The following CKAP2L variants were observed in gnomAD, a reference collection of about 807,000 sequenced individuals.
CKAP2L encodes cytoskeleton-associated protein 2-like.
CKAP2L carries 42 observed loss-of-function variants against 65.7 expected under a neutral mutation model. The ratio of observed to expected loss-of-function variants is 0.64; its 90% CI spans 0.50 to 0.83. The LOEUF is 0.83. Among genes scored for constraint, CKAP2L ranks in the 40% least tolerant of loss-of-function variants. The pLI is 0.00. For synonymous variants in CKAP2L, 325 were observed against 313.5 expected, an observed-to-expected ratio of 1.04 and a Z score of -0.39; for missense variants, 908 against 871.0, an observed-to-expected ratio of 1.04 and a Z score of -0.53.
chr2:112,758,674 T>C lies in CKAP2L; in HGVS notation c.157-1460A>G, dbSNP rs927547279. Among the ~76,000 whole-genome samples, 8 of 152,320 alleles carry C rather than the reference T, an allele frequency of 5.3e-5. 1 individual carries two copies. Among genetic ancestry groups the C allele is most frequent in the Middle Eastern group, 3.4e-3 (1 of 294 alleles). On this transcript the variant is annotated intron_variant, in intron 3 of 8. Coordinates refer to ENST00000302450, the MANE Select transcript of CKAP2L (RefSeq NM_152515.5). ...TGCTTACTGAAGAGGTGGAGGGACG[T>C]TGGCATGAAAGCTTCCAAATGTGTT...
At chr2:112,761,516 A>C (rs1303043800) in intron 2 of CKAP2L, among the ~76,000 whole-genome samples, 3 of 151,492 alleles carry the variant, frequency 2.0e-5, no homozygotes, top group African/African-American at 7.3e-5. Context: ...TTCAAATACT[A>C]TCTCTTCTAA....
At position 112,737,791 on chromosome 2, in the gene CKAP2L, T is replaced by C. The variant is rs1574303403; in HGVS notation, c.*1032A>G. On this transcript the variant is annotated 3_prime_UTR_variant, in exon 9 of 9. Transcript: ENST00000302450. ...CTTGTTTCTTAGGACAGCCAACTGG[T>C]ATATCCTTAGACAAACTCCTAATTC... is the stretch of plus-strand genomic sequence containing the variant. 6.6e-6 allele frequency: 1 copy of C among 152,220 alleles called. No individual in the cohort carries two copies. The highest frequency in any genetic ancestry group is 2.4e-5 in the African/African-American group (1 of 41,456). 9.4% of individuals were successfully genotyped at this position (152,220 alleles called of 1,614,324 possible).
chr2:112,741,940 GTTTTTTTTTTTTTTTTT>G lies in CKAP2L; in HGVS notation c.1822+749_1822+765del, dbSNP rs57634251. Among the ~76,000 whole-genome samples the G allele has an allele frequency of 2.1e-3, 152 of 71,912 alleles. 1 individual carries two copies. Among genetic ancestry groups the G allele is most frequent in the African/African-American group, 8.0e-3 (143 of 17,980 alleles). The allele number at this position is 71,912 out of a possible 152,430, so 47.2% of individuals were successfully genotyped here. On this transcript the variant is annotated intron_variant, in intron 7 of 8. Coordinates refer to ENST00000302450, the MANE Select transcript of CKAP2L (RefSeq NM_152515.5). ...CACAACTGGCTAATTTTTCTTTTCT[GTTTTTTTTTTTTTTTTT>G]TTTTTTTTTTAAAGACAAGACAGGG... is the stretch of plus-strand genomic sequence containing the variant.
rs1404848652 is a variant in CKAP2L at position 112,752,299 on chromosome 2, T to C, written c.1570A>G (p.Thr524Ala). ...QLELSSKINN[T>A]LTECLNLIEG... ...ATGAGGTTCAGACATTCTGTCAGAG[T>C]GTTGTTAATTTTACTGGACAGTTCG... The change falls in exon 5 of 9, where the codon ACT becomes GCT. Residue 524 changes from threonine to alanine, a missense_variant. Physicochemically the swap from Thr to Ala is moderately conservative, Grantham distance 58 (BLOSUM62 0). Transcript: ENST00000302450. 2.5e-6 allele frequency: 4 copies of C among 1,613,824 alleles called. No homozygotes were observed. In the South Asian group the frequency reaches 3.3e-5, roughly 13 times the overall value.
At chr2:112,739,804 G>A (rs1679750692) in intron 8 of CKAP2L, among the ~76,000 whole-genome samples, 1 of 152,152 alleles carries the variant, frequency 6.6e-6, no homozygotes. Flanking sequence ...ACAAACGTAT[G>A]CCAGCATGCC....
Position 112,757,005 on chromosome 2 carries a change from T to C in CKAP2L, c.366A>G (p.Gln122=), listed in dbSNP as rs1680561853. The C allele has an allele frequency of 6.2e-7, 1 of 1,614,228 alleles. No homozygotes were observed. Among genetic ancestry groups the C allele is most frequent in the Non-Finnish European group, 8.5e-7 (1 of 1,180,026 alleles). Residue 122 remains glutamine (Q), a synonymous_variant, in exon 4 of 9, where the codon CAA becomes CAG. Transcript: ENST00000302450. The part of the protein sequence containing the change: ...PYSKPSSKSF[Q]QCEAGSSTTG... ...TTGTGGACGATCCAGCTTCACACTG[T>C]TGAAAACTCTTGCTAGAAGGCTTAG...
chr2:112,751,842 T>C (rs921109965), intron 5 of CKAP2L, among the ~76,000 whole-genome samples: 1 of 152,214 alleles, frequency 6.6e-6, no homozygotes, highest in African/African-American at 2.4e-5. Flanking sequence ...AAATACTATT[T>C]GTAGCTACCC....
intron 6 of CKAP2L, among the ~76,000 whole-genome samples, chr2:112,743,506 C>A (rs759446157): frequency 6.6e-6 from 1 of 152,084 alleles, no homozygotes. Flanking sequence ...GGTGCGGTAT[C>A]GGCTCACCAC....
chr2:112,762,699 G>A, intron 1 of CKAP2L, 130 bp from the exon 2 acceptor site: 1 of 688,782 alleles, frequency 1.5e-6, no homozygotes, highest in Non-Finnish European at 2.6e-6. Flanking sequence ...AAAATCCCTA[G>A]TCCTATAAAT....
intron 6 of CKAP2L, among the ~76,000 whole-genome samples, chr2:112,745,394 T>C (rs1037559648): frequency 1.3e-5 from 2 of 152,054 alleles, no homozygotes; most frequent in African/African-American, 2.4e-5. Context: ...ATTTTTTTTT[T>C]TTTTTGAGAC....
chr2:112,738,901 C>T lies in CKAP2L; in HGVS notation c.2160G>A (p.Val720=), dbSNP rs1166127877. The part of the protein sequence containing the change: ...VVASLDELLE[V]EETKCFIFRR... ...GGAATATAAAACATTTTGTTTCTTC[C>T]ACTTCTAACAGTTCATCAAGAGAAG... The change falls in exon 9 of 9, where the codon GTG becomes GTA. Residue 720 remains valine (V), a synonymous_variant. Transcript: ENST00000302450. 2 of 1,613,940 alleles carry T rather than the reference C, an allele frequency of 1.2e-6. No individual in the cohort carries two copies. The highest frequency in any genetic ancestry group is 1.3e-5 in the African/African-American group (1 of 74,894).
chr2:112,747,727 G>GT (rs1289062099), intron 5 of CKAP2L, among the ~76,000 whole-genome samples: 2 of 152,274 alleles, frequency 1.3e-5, no homozygotes, highest in African/African-American at 4.8e-5. Context: ...AGACGCAAAG[G>GT]TAAGTTCACA....
intron 4 of CKAP2L, 25 bp downstream of exon 4, chr2:112,755,952 A>G (rs752361337): frequency 2.0e-6 from 3 of 1,524,654 alleles, no homozygotes; most frequent in Non-Finnish European, 8.8e-7. Context: ...TTAAGTTGCA[A>G]AAGCTTAGAA....
chr2:112,741,967 T>TA (rs1680004732), intron 7 of CKAP2L, among the ~76,000 whole-genome samples: 6 of 92,640 alleles, frequency 6.5e-5, no homozygotes, highest in African/African-American at 2.7e-4. Context: ...TTTTTTTTTT[T>TA]AAAGACAAGA....
chr2:112,748,998 AAC>A (rs1258655754), intron 5 of CKAP2L, among the ~76,000 whole-genome samples: 1 of 152,250 alleles, frequency 6.6e-6, no homozygotes, highest in Non-Finnish European at 1.5e-5. Flanking sequence ...AACTAGATTA[AAC>A]ACAGAAATGA....
intron 8 of CKAP2L, among the ~76,000 whole-genome samples, chr2:112,739,386 A>C (rs1679694173): frequency 1.3e-5 from 2 of 152,098 alleles, no homozygotes. Flanking sequence ...ATGCCATTGT[A>C]CTCCAGTCTG....
chr2:112,757,294 A>G, intron 3 of CKAP2L, 80 bp from the exon 4 acceptor site: 1 of 953,136 alleles, frequency 1.0e-6, no homozygotes, highest in East Asian at 2.8e-5. Context: ...TGTTTAACAC[A>G]TGCTAAAAAA....
At position 112,756,779 on chromosome 2, in the gene CKAP2L, T is replaced by C. The variant is rs1680554517; in HGVS notation, c.592A>G (p.Lys198Glu). The change falls in exon 4 of 9, where the codon AAG becomes GAG. Residue 198 changes from lysine (K) to glutamate (E), a missense_variant. Lys to Glu is a moderately conservative substitution (Grantham distance 56, BLOSUM62 1). Coordinates refer to ENST00000302450, the MANE Select transcript of CKAP2L (RefSeq NM_152515.5). ...CTGGTATATAATTTAGGATCTGGCTTCCTCTCAGGTTCTGTTAAGATATCG... is the reference window on the plus strand; with the variant it reads ...CTGGTATATAATTTAGGATCTGGCTCCCTCTCAGGTTCTGTTAAGATATCG... ...LLDILTEPERKPDPKLYTRSK... is the reference protein window; with the variant it reads ...LLDILTEPEREPDPKLYTRSK... 1.9e-6 allele frequency: 3 copies of C among 1,602,834 alleles called. No individual in the cohort carries two copies. In the African/African-American group the frequency reaches 4.1e-5, roughly 22 times the overall value.
At chr2:112,760,436 A>C (rs1309077959) in intron 3 of CKAP2L, among the ~76,000 whole-genome samples, 1 of 152,232 alleles carries the variant, frequency 6.6e-6, no homozygotes, top group Non-Finnish European at 1.5e-5. Context: ...AATGCAAGTC[A>C]GAAAAGTATC....
Sources: allele counts gnomAD v4.1 joint callset (sites outside exome capture counted in the v4.1 genomes callset), GRCh38; gene constraint gnomAD v4.1.1; transcripts MANE v1.5; gene names NCBI Gene and HGNC (gene_info 2026-07-23, HGNC 2026-07-21).